CCAR2: variants seen among roughly 807,000 people sequenced by gnomAD.
The protein encoded by CCAR2 is cell cycle and apoptosis regulator 2, also known as cell cycle and apoptosis regulator protein 2.
CCAR2 carries 21 observed loss-of-function variants against 108.1 expected under a neutral mutation model. The ratio of observed to expected loss-of-function variants is 0.19; its 90% CI spans 0.14 to 0.28. CCAR2 has a LOEUF of 0.28. CCAR2 is among the 10% of genes least tolerant of loss of function. The pLI is 1.00. For synonymous variants in CCAR2, 577 were observed against 472.8 expected, an observed-to-expected ratio of 1.22 and a Z score of -2.86; for missense variants, 1,126 against 1,177.0, an observed-to-expected ratio of 0.96 and a Z score of 0.63.
chr8:22,619,255 G>A lies in CCAR2; in HGVS notation c.2627G>A (p.Arg876Gln), dbSNP rs202099882. Residue 876 changes from arginine (R) to glutamine (Q), a missense_variant, in exon 20 of 21, where the codon CGG becomes CAG. Physicochemically the swap from Arg to Gln is conservative, Grantham distance 43. Around this residue, in one of 4 missense-constraint regions of CCAR2, gnomAD observed 1,013 missense variants for 993.9 expected, o/e 1.02. Coordinates refer to ENST00000308511, the MANE Select transcript of CCAR2 (RefSeq NM_001393997.1). Reference sequence around the variant, plus strand: ...CTGGCGGAGGCCGAGGAGACCGCCCGGACGGCGGAGCGACAGAAGAGCCAG... The same window carrying A: ...CTGGCGGAGGCCGAGGAGACCGCCCAGACGGCGGAGCGACAGAAGAGCCAG... ...VRLAEAEETARTAERQKSQLQ... is the reference protein window; with the variant it reads ...VRLAEAEETAQTAERQKSQLQ... 39 of 1,565,046 alleles carry A rather than the reference G, an allele frequency of 2.5e-5. No individual in the cohort carries two copies. Among genetic ancestry groups the A allele is most frequent in the Admixed American group, 1.3e-4 (7 of 51,986 alleles).
intron 14 of CCAR2, among the ~76,000 whole-genome samples, chr8:22,616,839 G>A (rs1460941799): frequency 1.1e-5 from 1 of 90,430 alleles, no homozygotes; most frequent in Non-Finnish European, 2.4e-5. Flanking sequence ...AAAAAGATTT[G>A]TAAACCTTTT....
intron 11 of CCAR2, 113 bp downstream of exon 11, chr8:22,615,114 C>T (rs948345642): frequency 7.2e-5 from 97 of 1,338,878 alleles, no homozygotes; most frequent in Non-Finnish European, 8.9e-5. Flanking sequence ...CCCCTAGTCC[C>T]GTTCCTTCCC....
At chr8:22,616,687 A>T (rs1250942647) in intron 14 of CCAR2, 1 of 177,834 alleles carries the variant, frequency 5.6e-6, no homozygotes, top group African/African-American at 2.4e-5. Context: ...GTGGTGGTGC[A>T]TGCCTGTTTT....
chr8:22,620,855 CAG>C (rs1466053612), downstream of CCAR2: 1 of 152,414 alleles, frequency 6.6e-6, no homozygotes, highest in Non-Finnish European at 1.5e-5. Flanking sequence ...TACCAGTCCT[CAG>C]TGACCTCGGG....
intron 4 of CCAR2, 30 bp from the exon 5 acceptor site, chr8:22,606,880 G>A: frequency 6.2e-7 from 1 of 1,609,868 alleles, no homozygotes. Flanking sequence ...TCCCTCTTCT[G>A]ATGGGGCCTT....
intron 8 of CCAR2, 96 bp downstream of exon 8, chr8:22,613,232 T>C: frequency 2.3e-6 from 3 of 1,287,106 alleles, no homozygotes; most frequent in Non-Finnish European, 3.0e-6. Flanking sequence ...TGTATGTTCT[T>C]ACAGCCTTTT....
downstream of CCAR2, chr8:22,621,472 C>T (rs776519160): frequency 9.9e-6 from 16 of 1,613,852 alleles, no homozygotes; most frequent in South Asian, 5.5e-5. Context: ...AGTTTGGCCT[C>T]GTTCTCCCGC....
intron 16 of CCAR2, 159 bp from the exon 17 acceptor site, chr8:22,618,190 A>G (rs375425345): frequency 1.1e-6 from 1 of 911,406 alleles, no homozygotes; most frequent in East Asian, 2.4e-5. Flanking sequence ...TCCTGGGTTC[A>G]AGTGATTCTC....
chr8:22,615,022 T>C, intron 11 of CCAR2, 21 bp downstream of exon 11: 1 of 1,534,820 alleles, frequency 6.5e-7, no homozygotes, highest in Non-Finnish European at 8.8e-7. Flanking sequence ...TTCCTGAGCC[T>C]CAGCTGCACC....
chr8:22,620,718 TTCA>T (rs1275224491), downstream of CCAR2: 2 of 152,354 alleles, frequency 1.3e-5, no homozygotes, highest in East Asian at 3.9e-4. Flanking sequence ...ATGTGGACGT[TTCA>T]TTGAAAATTT....
chr8:22,619,558 A>C lies in CCAR2; in HGVS notation c.2728-80A>C, dbSNP rs533450334. 3.0e-5 allele frequency: 45 copies of C among 1,487,682 alleles called. No individual in the cohort carries two copies. In the South Asian group the frequency reaches 5.3e-4, roughly 18 times the overall value. The allele number at this position is 1,487,682 out of a possible 1,614,324, so 92.2% of individuals were successfully genotyped here. A position where few individuals can be genotyped will look rare whatever the true frequency, so the allele number is the denominator to read the frequency against. On this transcript the variant is annotated intron_variant, in intron 20 of 20. Transcript: ENST00000308511. ...CAGCAGCGTGCAGTGGGAGCTTCCC[A>C]GCAGGAGGCAGTCCGCAGTCCGCAG... is the stretch of plus-strand genomic sequence containing the variant.
intron 10 of CCAR2, 44 bp from the exon 11 acceptor site, chr8:22,614,794 G>A (rs1198522214): frequency 1.3e-5 from 18 of 1,383,464 alleles, no homozygotes; most frequent in Non-Finnish European, 1.7e-5. Flanking sequence ...GGGAGACCCA[G>A]GTAATGTAGT....
At chr8:22,618,008 G>T in intron 16 of CCAR2, 1 of 595,984 alleles carries the variant, frequency 1.7e-6, no homozygotes, top group Non-Finnish European at 3.0e-6. Context: ...TGAGAGAGGA[G>T]CACAGGAGCT....
At position 22,614,295 on chromosome 8, in the gene CCAR2, A is replaced by G. The variant is rs1801409200; in HGVS notation, c.908A>G (p.Asp303Gly). ...AGAEPITADS[D>G]PAYSSKVLLL... is the part of the protein sequence containing the mutation. The stretch of plus-strand genomic sequence containing the variant: ...GCTGAGCCCATCACTGCAGACAGTG[A>G]CCCCGCTTATAGTTCGAAGGTAAGC... The change falls in exon 9 of 21, where the codon GAC becomes GGC. Residue 303 changes from aspartate (D) to glycine (G), a missense_variant. Physicochemically the swap from Asp to Gly is moderately conservative, Grantham distance 94. Coordinates refer to ENST00000308511, the MANE Select transcript of CCAR2 (RefSeq NM_001393997.1). 1 of 1,613,772 alleles carries G rather than the reference A, an allele frequency of 6.2e-7. No homozygotes were observed. The highest frequency in any genetic ancestry group is 1.3e-5 in the African/African-American group (1 of 74,848).
intron 17 of CCAR2, 44 bp downstream of exon 17, chr8:22,618,539 C>G (rs901519472): frequency 6.2e-7 from 1 of 1,614,096 alleles, no homozygotes; most frequent in African/African-American, 1.3e-5. Flanking sequence ...CAGGCCTGCA[C>G]TTACTCCTGC....
chr8:22,615,042 G>C (rs1300050906), intron 11 of CCAR2, 41 bp downstream of exon 11: 1 of 1,498,986 alleles, frequency 6.7e-7, no homozygotes, highest in Non-Finnish European at 8.9e-7. Flanking sequence ...CAACGCACCA[G>C]GTTGGGGAGG....
chr8:22,605,677 C>G lies in CCAR2; in HGVS notation c.-38-59C>G, dbSNP rs1801044979. On this transcript the variant is annotated intron_variant, in intron 1 of 20. Transcript: ENST00000308511. ...TCCTTACTTAAGATTCTCCACTTTTCCGGGTATAGATGGAAATTTCCCTTA... is the reference window on the plus strand; with the variant it reads ...TCCTTACTTAAGATTCTCCACTTTTGCGGGTATAGATGGAAATTTCCCTTA... 11 of 1,009,996 alleles carry G rather than the reference C, an allele frequency of 1.1e-5. 1 individual carries two copies. The South Asian group carries it at 1.5e-4, about 14-fold the overall frequency. 62.6% of individuals were successfully genotyped at this position (1,009,996 alleles called of 1,614,324 possible).
rs1801361797 is a variant in CCAR2, at chr8:22,613,209, A to G, written c.704+73A>G. 9.2e-6 allele frequency: 13 copies of G among 1,416,840 alleles called. No individual in the cohort carries two copies. In the South Asian group the frequency reaches 1.4e-4, roughly 16 times the overall value. 87.8% of individuals were successfully genotyped at this position (1,416,840 alleles called of 1,614,324 possible). On this transcript the variant is annotated intron_variant, in intron 8 of 20. Coordinates refer to ENST00000308511, the MANE Select transcript of CCAR2 (RefSeq NM_001393997.1). ...TTCTTATGTAAATGAGATGGCGTCT[A>G]TGCAAGTGCACATGTATGTTCTTAC...
In CCAR2 at chr8:22,617,698, G is replaced by C; in HGVS notation, c.1993G>C (p.Gly665Arg). ...LRDDGEEEFAGAKLEDSEVRS... is the reference protein window; with the variant it reads ...LRDDGEEEFARAKLEDSEVRS... ...CATTTATCTTGGCCTTTCTGTAGCAGGAGCAAAGCTGGAGGATTCGGAGGT... is the reference window on the plus strand; with the variant it reads ...CATTTATCTTGGCCTTTCTGTAGCACGAGCAAAGCTGGAGGATTCGGAGGT... Residue 665 changes from glycine (G) to arginine (R), a missense_variant and splice_region_variant, in exon 16 of 21, where the codon GGA becomes CGA. Coordinates refer to ENST00000308511, the MANE Select transcript of CCAR2 (RefSeq NM_001393997.1). 6.2e-7 allele frequency: 1 copy of C among 1,614,242 alleles called. No individual in the cohort carries two copies. The highest frequency in any genetic ancestry group is 8.5e-7 in the Non-Finnish European group (1 of 1,180,026).
Sources: gnomAD v4.1 joint callset for allele counts (sites outside exome capture counted in the v4.1 genomes callset) on GRCh38, gnomAD v4.1.1 for gene constraint, gnomAD v4.1.1 regional missense constraint, MANE v1.5 for transcripts, NCBI Gene and HGNC (gene_info 2026-07-23, HGNC 2026-07-21) for gene names.